PRPSAP1: variants seen among roughly 807,000 people sequenced by gnomAD.
PRPSAP1 encodes the protein phosphoribosyl pyrophosphate synthetase associated protein 1.
PRPSAP1 carries 31 observed loss-of-function variants against 39.4 expected under a neutral mutation model. The observed-to-expected ratio is 0.79, with a 90% CI of 0.59 to 1.06. The LOEUF (loss-of-function observed/expected upper bound fraction) is 1.06, where lower values mean the gene tolerates loss of function less well. PRPSAP1 is among the 50% of genes least tolerant of loss of function. The pLI is 0.00. For missense variants in PRPSAP1, 430 were observed against 511.6 expected, an observed-to-expected ratio of 0.84 and a Z score of 1.54; for synonymous variants, 212 against 192.6, an observed-to-expected ratio of 1.10 and a Z score of -0.83.
Position 76,309,624 on chromosome 17 carries a change from C to T in PRPSAP1, c.*1918G>A, listed in dbSNP as rs147135352. ...CTGCATCTGCAGATTTAACCAACCA[C>T]GACTGAACACGTACAGATTCCTGTC... On this transcript the variant is annotated 3_prime_UTR_variant, in exon 10 of 10. Coordinates refer to ENST00000446526, the MANE Select transcript of PRPSAP1 (RefSeq NM_002766.3). 4.5e-3 allele frequency: 690 copies of T among 152,336 alleles called. 2 individuals carry two copies. The highest frequency in any genetic ancestry group is 0.015 in the African/African-American group (636 of 41,556). The allele number at this position is 152,336 out of a possible 1,614,324, so 9.4% of individuals were successfully genotyped here.
At chr17:76,325,598 A>ATT (rs538337876) in intron 7 of PRPSAP1, among the ~76,000 whole-genome samples, 1,482 of 118,950 alleles carry the variant, frequency 0.012, 50 homozygotes, top group African/African-American at 0.038. Flanking sequence ...ATGACTGCTA[A>ATT]TTTTTTTTTT....
intron 3 of PRPSAP1, chr17:76,337,260 T>A (rs1237917903): frequency 6.6e-6 from 1 of 152,170 alleles, no homozygotes; most frequent in African/African-American, 2.4e-5. Context: ...ACATCCTATA[T>A]TAAGTCCAGC....
Position 76,332,393 on chromosome 17 carries a change from G to C in PRPSAP1, c.333C>G (p.Tyr111Ter). The change falls in exon 4 of 10, where the codon TAC (tyrosine) becomes TAG (stop). Residue 111 changes from tyrosine to a stop codon, truncating the protein, a stop_gained. Coordinates refer to ENST00000446526, the MANE Select transcript of PRPSAP1 (RefSeq NM_002766.3). LOFTEE classifies it high-confidence loss of function. ...TCCTGGCACAGGCAGTCTTCAGTGC[G>C]TAAGCCATGATGAGCAACTCCATCA... ...TAVMELLIMA[Y>*]ALKTACARNI... is the part of the protein sequence containing the mutation. 6.2e-7 allele frequency: 1 copy of C among 1,614,178 alleles called. No individual in the cohort carries two copies. The highest frequency in any genetic ancestry group is 8.5e-7 in the Non-Finnish European group (1 of 1,180,038).
At chr17:76,342,078 T>G (rs763116210) in intron 3 of PRPSAP1, among the ~76,000 whole-genome samples, 2 of 152,096 alleles carry the variant, frequency 1.3e-5, no homozygotes, top group African/African-American at 2.4e-5. Flanking sequence ...GCCCCTTCCC[T>G]CAATACCACA....
At chr17:76,325,433 A>G (rs1598524039) in intron 7 of PRPSAP1, among the ~76,000 whole-genome samples, 2 of 147,850 alleles carry the variant, frequency 1.4e-5, no homozygotes, top group East Asian at 4.0e-4. Flanking sequence ...AAAAAAAAAA[A>G]AAAAGACCAA....
intron 7 of PRPSAP1, among the ~76,000 whole-genome samples, chr17:76,322,653 C>T (rs1053378699): frequency 1.3e-5 from 2 of 152,116 alleles, no homozygotes; most frequent in Admixed American, 1.3e-4. Context: ...CCAGCCTGGA[C>T]AACAAGACAA....
At chr17:76,344,159 G>A (rs1402737285) in intron 3 of PRPSAP1, among the ~76,000 whole-genome samples, 1 of 148,654 alleles carries the variant, frequency 6.7e-6, no homozygotes, top group African/African-American at 2.5e-5. Flanking sequence ...ATGGAGTCTT[G>A]CTCTGTAGCC....
chr17:76,312,926 G>A lies in PRPSAP1; in HGVS notation c.943C>T (p.His315Tyr), dbSNP rs757721849. The A allele has an allele frequency of 6.2e-7, 1 of 1,614,106 alleles. No individual in the cohort carries two copies. Residue 315 changes from histidine (H) to tyrosine (Y), a missense_variant, in exon 9 of 10, where the codon CAC becomes TAC. Transcript: ENST00000446526. The part of the protein sequence containing the change: ...GAYKIYVMAT[H>Y]GILSAEAPRL... ...GGGGCCTCTGCAGACAGGATGCCGTGGGTGGCCATAACATAGATCTTATAG... is the reference window on the plus strand; with the variant it reads ...GGGGCCTCTGCAGACAGGATGCCGTAGGTGGCCATAACATAGATCTTATAG...
Position 76,348,533 on chromosome 17 carries a change from A to T in PRPSAP1, c.219T>A (p.Asn73Lys), listed in dbSNP as rs1238122650. The T allele has an allele frequency of 6.8e-7, 1 of 1,472,336 alleles. No homozygotes were observed. The highest frequency in any genetic ancestry group is 2.6e-5 in the Admixed American group (1 of 38,094). 91.2% of individuals were successfully genotyped at this position (1,472,336 alleles called of 1,614,324 possible). The change falls in exon 2 of 10, where the codon AAT (asparagine) becomes AAA (lysine). Residue 73 changes from asparagine (N) to lysine (K), a missense_variant. This residue lies in a region of PRPSAP1 where 152 missense variants were observed against 135.2 expected (regional missense o/e 1.12). Transcript: ENST00000446526. The part of the protein sequence containing the change: ...LGKSVVYQET[N>K]GETRVEIKES... ...AAAGAAATAATTTTAACTTACCTCC[A>T]TTGGTCTCTTGATATACAACAGACT...
chr17:76,319,679 G>T (rs991751632), intron 7 of PRPSAP1, among the ~76,000 whole-genome samples: 1 of 151,398 alleles, frequency 6.6e-6, no homozygotes, highest in Admixed American at 6.6e-5. Flanking sequence ...GTGTTGGCCA[G>T]GCTGACCTCG....
At chr17:76,343,006 G>A (rs903068897) in intron 3 of PRPSAP1, among the ~76,000 whole-genome samples, 2 of 152,208 alleles carry the variant, frequency 1.3e-5, no homozygotes, top group African/African-American at 4.8e-5. Context: ...GAACCCGGGA[G>A]GTGGAGGCTG....
intron 1 of PRPSAP1, among the ~76,000 whole-genome samples, chr17:76,351,346 T>G (rs1281486288): frequency 6.6e-6 from 1 of 152,064 alleles, no homozygotes; most frequent in Non-Finnish European, 1.5e-5. Flanking sequence ...GAAACCCGTC[T>G]CTACTAAAAA....
At chr17:76,345,237 TA>T (rs59693380) in intron 2 of PRPSAP1, among the ~76,000 whole-genome samples, 9,695 of 62,074 alleles carry the variant, frequency 0.16, 935 homozygotes, top group African/African-American at 0.3. Flanking sequence ...TCCGTCTCAT[TA>T]AAAAAAAAAA....
At chr17:76,340,826 GTTGTGGTGGGGT>G (rs1486048714) in intron 3 of PRPSAP1, among the ~76,000 whole-genome samples, 30 of 150,394 alleles carry the variant, frequency 2.0e-4, no homozygotes, top group Non-Finnish European at 3.8e-4. Flanking sequence ...GGAGGCGGGG[GTTGTGGTGGGGT>G]TTGCAGTGAA....
chr17:76,320,214 G>A (rs1410074204), intron 7 of PRPSAP1, among the ~76,000 whole-genome samples: 2 of 151,478 alleles, frequency 1.3e-5, no homozygotes, highest in Non-Finnish European at 2.9e-5. Flanking sequence ...AGGTTGCAGT[G>A]AGCTGAGATA....
chr17:76,353,440 G>C, intron 1 of PRPSAP1, 94 bp downstream of exon 1: 1 of 1,233,700 alleles, frequency 8.1e-7, no homozygotes. Context: ...CCAGGTGCAG[G>C]AGGTGGGGCG....
At chr17:76,325,467 TA>T (rs947074222) in intron 7 of PRPSAP1, among the ~76,000 whole-genome samples, 5 of 146,970 alleles carry the variant, frequency 3.4e-5, no homozygotes, top group Admixed American at 2.1e-4. Context: ...CCCCATCTCT[TA>T]AAAAAAAGAA....
intron 3 of PRPSAP1, among the ~76,000 whole-genome samples, chr17:76,339,325 A>G (rs1288653364): frequency 1.3e-5 from 2 of 151,482 alleles, no homozygotes; most frequent in East Asian, 3.9e-4. Flanking sequence ...GAATTGCTTG[A>G]ACCTGGGAGG....
intron 7 of PRPSAP1, among the ~76,000 whole-genome samples, chr17:76,325,598 ATTT>A (rs538337876): frequency 4.2e-5 from 5 of 118,956 alleles, no homozygotes; most frequent in African/African-American, 3.5e-5. Context: ...ATGACTGCTA[ATTT>A]TTTTTTTTTT....
Sources: gnomAD v4.1 joint callset for allele counts (sites outside exome capture counted in the v4.1 genomes callset) on GRCh38, gnomAD v4.1.1 for gene constraint, gnomAD v4.1.1 regional missense constraint, MANE v1.5 for transcripts, NCBI Gene and HGNC (gene_info 2026-07-23, HGNC 2026-07-21) for gene names.